Variants in ABCB9 observed in about 807,000 individuals in gnomAD.
The protein encoded by ABCB9 is ABC-type oligopeptide transporter ABCB9.
In ABCB9, 36 loss-of-function variants were observed where a neutral mutation model predicts 62.0. The ratio of observed to expected loss-of-function variants is 0.58; its 90% CI spans 0.45 to 0.77. The LOEUF (loss-of-function observed/expected upper bound fraction) is 0.77. ABCB9 is among the 30% of genes least tolerant of loss of function. The pLI is 0.00. For synonymous variants in ABCB9, 435 were observed against 461.4 expected (o/e 0.94, Z 0.73); for missense variants, 943 against 1,054.7 (o/e 0.89, Z 1.47).
Position 122,960,199 on chromosome 12 carries a change from A to C in ABCB9, c.37T>G (p.Phe13Val), listed in dbSNP as rs1309438314. Residue 13 changes from phenylalanine (F) to valine (V), a missense_variant, in exon 2 of 12, where the codon TTC becomes GTC. Phe to Val is a conservative substitution (Grantham distance 50, BLOSUM62 -1). Transcript: ENST00000280560. ...GTCACGCAGATGTCCACACTCATGA[A>C]GGCCAAAGTCACCACCACCGCCTTC... Reference protein sequence around the residue: ...LWKAVVVTLAFMSVDICVTTA... With the variant: ...LWKAVVVTLAVMSVDICVTTA... 1 of 1,613,248 alleles carries C rather than the reference A, an allele frequency of 6.2e-7. No homozygotes were observed. Among genetic ancestry groups the C allele is most frequent in the African/African-American group, 1.3e-5 (1 of 75,048 alleles).
rs2036179609 is a variant in ABCB9, at chr12:122,948,630, G to C, written c.1047C>G (p.Tyr349Ter). The C allele has an allele frequency of 6.2e-7, 1 of 1,611,642 alleles. No homozygotes were observed. ...AGAGACAGGGCAGGCCTACCTTGTA[G>C]TACTTGCCGTAGATGTTGGACACCA... is the stretch of plus-strand genomic sequence containing the variant. ...IMMVSNIYGK[Y>*]YKRLSKEVQN... Residue 349 changes from tyrosine to a stop codon, truncating the protein, a stop_gained, in exon 5 of 12, where the codon TAC becomes TAG. Coordinates refer to ENST00000280560, the MANE Select transcript of ABCB9 (RefSeq NM_019625.4). LOFTEE classifies it high-confidence loss of function.
At chr12:122,945,869 C>A (rs1262458641) in intron 6 of ABCB9, among the ~76,000 whole-genome samples, 156 bp downstream of exon 6, 2 of 135,280 alleles carry the variant, frequency 1.5e-5, no homozygotes, top group Non-Finnish European at 3.0e-5. Flanking sequence ...CAGAGTGAGG[C>A]TCTGTCTCAA....
intron 7 of ABCB9, among the ~76,000 whole-genome samples, chr12:122,941,359 G>C (rs1027896493): frequency 6.6e-6 from 1 of 151,118 alleles, no homozygotes. Flanking sequence ...GCCCAGGCTG[G>C]AGTGCATTGG....
chr12:122,954,649 C>T (rs1011528250), intron 2 of ABCB9, among the ~76,000 whole-genome samples: 9 of 152,016 alleles, frequency 5.9e-5, no homozygotes, highest in African/African-American at 1.2e-4. Context: ...TGTGCCACCA[C>T]GCCCGGCTGA....
chr12:122,965,311 G>C (rs1448658231), intron 1 of ABCB9, among the ~76,000 whole-genome samples: 1 of 152,200 alleles, frequency 6.6e-6, no homozygotes, highest in African/African-American at 2.4e-5. Flanking sequence ...CAGTGGCCTC[G>C]GTTCACCCCT....
Sources: gnomAD v4.1 joint callset for allele counts (sites outside exome capture counted in the v4.1 genomes callset) on GRCh38, gnomAD v4.1.1 for gene constraint, MANE v1.5 for transcripts, NCBI Gene and HGNC (gene_info 2026-07-23, HGNC 2026-07-21) for gene names.